NBAS: variants seen among roughly 807,000 people sequenced by gnomAD.
The protein encoded by NBAS is NAG/BC035112 fusion.
A neutral mutation model predicts 302.5 loss-of-function variants in NBAS; 219 were observed. The ratio of observed to expected loss-of-function variants is 0.72; its 90% CI spans 0.65 to 0.81. The LOEUF (loss-of-function observed/expected upper bound fraction) is 0.81, where lower values mean the gene tolerates loss of function less well. NBAS is among the 30% of genes least tolerant of loss of function. The probability of loss-of-function intolerance (pLI) is 0.00; values close to 1 mark genes in which losing one functional copy is unlikely to be tolerated. For synonymous variants in NBAS, 1,118 were observed against 1,021.6 expected, an observed-to-expected ratio of 1.09 and a Z score of -1.80; for missense variants, 2,932 against 2,841.6, an observed-to-expected ratio of 1.03 and a Z score of -0.72.
chr2:14,949,224 A>G, the NBAS span, among the ~76,000 whole-genome samples: 1 of 152,186 alleles, frequency 6.6e-6, no homozygotes, highest in South Asian at 2.1e-4. Context: ...AGGTAACCAG[A>G]GCAAAAGTAG....
chr2:14,941,546 A>G, the NBAS span, among the ~76,000 whole-genome samples: 1 of 152,190 alleles, frequency 6.6e-6, no homozygotes, highest in Non-Finnish European at 1.5e-5. Context: ...AGGAAGGAGG[A>G]AGGCAGAGCA....
intron 42 of NBAS, among the ~76,000 whole-genome samples, chr2:15,279,729 G>A (rs956757959): frequency 6.6e-6 from 1 of 152,072 alleles, no homozygotes; most frequent in Non-Finnish European, 1.5e-5. Flanking sequence ...TACCTTTACT[G>A]ACTCATGATA....
intron 26 of NBAS, among the ~76,000 whole-genome samples, chr2:15,399,180 T>G (rs915660218): frequency 2.0e-5 from 3 of 152,208 alleles, no homozygotes; most frequent in Admixed American, 2.0e-4. Flanking sequence ...ATATTTACTT[T>G]TAAGAGTTAT....
At chr2:14,842,896 T>C in the NBAS span, among the ~76,000 whole-genome samples, 3 of 140,540 alleles carry the variant, frequency 2.1e-5, no homozygotes, top group Middle Eastern at 3.6e-3. Context: ...TGAATATAGA[T>C]GCAAAAATTC....
chr2:15,470,187 T>C (rs906803187), intron 16 of NBAS, among the ~76,000 whole-genome samples: 1 of 152,112 alleles, frequency 6.6e-6, no homozygotes, highest in Non-Finnish European at 1.5e-5. Flanking sequence ...CCAGTCTAAA[T>C]CATCAACACA....
chr2:14,854,068 A>T, the NBAS span, among the ~76,000 whole-genome samples: 1 of 150,034 alleles, frequency 6.7e-6, no homozygotes, highest in Non-Finnish European at 1.5e-5. Flanking sequence ...AACTTAAAGT[A>T]TAATAAAAAA....
At chr2:15,396,034 C>T (rs1675849366) in intron 27 of NBAS, among the ~76,000 whole-genome samples, 1 of 152,034 alleles carries the variant, frequency 6.6e-6, no homozygotes, top group Non-Finnish European at 1.5e-5. Context: ...GATAAAGATG[C>T]AATAATTGCT....
chr2:15,070,042 T>A, the NBAS span, among the ~76,000 whole-genome samples: 4 of 152,186 alleles, frequency 2.6e-5, no homozygotes, highest in Non-Finnish European at 5.9e-5. Flanking sequence ...CCTGGCAGTA[T>A]ACTTTATTTT....
the NBAS span, among the ~76,000 whole-genome samples, chr2:15,012,633 G>C: frequency 2.0e-5 from 3 of 152,104 alleles, no homozygotes; most frequent in African/African-American, 7.2e-5. Flanking sequence ...CAAAGACAAA[G>C]CATTCTTAAA....
At chr2:15,257,641 C>T (rs138010398) in intron 44 of NBAS, among the ~76,000 whole-genome samples, 6 of 152,218 alleles carry the variant, frequency 3.9e-5, no homozygotes, top group African/African-American at 9.6e-5. Flanking sequence ...GATCTGCCCA[C>T]CTCAGCCTGC....
chr2:15,513,551 A>G (rs1392469686), intron 9 of NBAS, among the ~76,000 whole-genome samples: 1 of 152,182 alleles, frequency 6.6e-6, no homozygotes, highest in Non-Finnish European at 1.5e-5. Context: ...ACAACACTAC[A>G]AAGATGCAAT....
chr2:15,132,570 C>G, the NBAS span, among the ~76,000 whole-genome samples: 4 of 152,148 alleles, frequency 2.6e-5, no homozygotes, highest in African/African-American at 7.2e-5. Context: ...CTAATAAAAA[C>G]TATGGACTTT....
At chr2:15,472,914 C>T (rs1680020880) in intron 16 of NBAS, among the ~76,000 whole-genome samples, 1 of 152,176 alleles carries the variant, frequency 6.6e-6, no homozygotes, top group South Asian at 2.1e-4. Context: ...TTTCTGGCAT[C>T]TGACTAGCTC....
intron 44 of NBAS, among the ~76,000 whole-genome samples, chr2:15,260,605 G>A (rs1224218736): frequency 6.6e-6 from 1 of 152,094 alleles, no homozygotes; most frequent in Non-Finnish European, 1.5e-5. Context: ...AGAGTGGATG[G>A]GGTTGAAGGA....
At chr2:15,172,649 T>C (rs1227643356) in intron 51 of NBAS, among the ~76,000 whole-genome samples, 6 of 152,190 alleles carry the variant, frequency 3.9e-5, no homozygotes, top group Non-Finnish European at 7.4e-5. Context: ...CTGTGGAAAA[T>C]CACACAGCCC....
chr2:15,218,874 G>T lies in NBAS; in HGVS notation c.6331C>A (p.Gln2111Lys), dbSNP rs770794363. Residue 2111 changes from glutamine (Q) to lysine (K), a missense_variant, in exon 48 of 52, where the codon CAG becomes AAG. Gln to Lys is a moderately conservative substitution (Grantham distance 53). Transcript: ENST00000281513. ...AGGTGAAATGATTGCCCCAAAATCT[G>T]CAGCACGTGAATGCGGGGCCGCACC... ...WPVRPRIHVL[Q>K]ILGQSFHLTE... 5 of 1,614,270 alleles carry T rather than the reference G, an allele frequency of 3.1e-6. No individual in the cohort carries two copies.
chr2:14,933,442 G>GA, the NBAS span, among the ~76,000 whole-genome samples: 3 of 152,146 alleles, frequency 2.0e-5, no homozygotes, highest in Middle Eastern at 3.2e-3. Flanking sequence ...ATAAAATGAT[G>GA]AATGTTCTGG....
At chr2:14,836,465 T>A in the NBAS span, among the ~76,000 whole-genome samples, 123 of 152,030 alleles carry the variant, frequency 8.1e-4, no homozygotes, top group African/African-American at 2.6e-3. Context: ...TTTGCATATA[T>A]CTTGAAGTTA....
the NBAS span, among the ~76,000 whole-genome samples, chr2:14,985,408 A>G: frequency 6.6e-6 from 1 of 152,236 alleles, no homozygotes; most frequent in Non-Finnish European, 1.5e-5. Flanking sequence ...AGAGAAAACT[A>G]GAGAACTGGA....
Sources: allele counts gnomAD v4.1 joint callset (sites outside exome capture counted in the v4.1 genomes callset), GRCh38; gene constraint gnomAD v4.1.1; transcripts MANE v1.5; gene names NCBI Gene and HGNC (gene_info 2026-07-23, HGNC 2026-07-21).